OLFM2: variants seen among roughly 807,000 people sequenced by gnomAD.
OLFM2 encodes noelin-2.
Under a neutral mutation model 43.9 loss-of-function variants are expected in OLFM2, and 20 were observed. The observed-to-expected ratio is 0.46, with a 90% confidence interval of 0.32 to 0.66. The LOEUF (loss-of-function observed/expected upper bound fraction) is 0.66, where lower values mean the gene tolerates loss of function less well. Ranked by LOEUF, OLFM2 falls within the 30% of genes least tolerant of loss-of-function variation. The probability of loss-of-function intolerance (pLI) is 0.04; values close to 1 mark genes in which losing one functional copy is unlikely to be tolerated. For synonymous variants in OLFM2, 268 were observed against 278.6 expected (o/e 0.96, Z 0.38); for missense variants, 416 against 643.6 (o/e 0.65, Z 3.83).
chr19:9,913,405 G>C (rs550941775), intron 1 of OLFM2: 2 of 872,464 alleles, frequency 2.3e-6, no homozygotes, highest in Non-Finnish European at 2.8e-6. Flanking sequence ...TGGGGGCCCC[G>C]GGGGCTGCGG....
intron 1 of OLFM2, among the ~76,000 whole-genome samples, chr19:9,865,804 T>G (rs2145439718): frequency 7.2e-6 from 1 of 138,940 alleles, no homozygotes; most frequent in East Asian, 2.1e-4. Flanking sequence ...CCCTTCTTGA[T>G]AAATCTCATT....
At chr19:9,872,173 A>G (rs760177114) in intron 1 of OLFM2, among the ~76,000 whole-genome samples, 49 of 152,050 alleles carry the variant, frequency 3.2e-4, no homozygotes, top group Admixed American at 1.0e-3. Flanking sequence ...TCAAACCTTG[A>G]GGTATTGGGC....
intron 1 of OLFM2, among the ~76,000 whole-genome samples, chr19:9,893,539 G>A (rs1191114506): frequency 2.6e-5 from 4 of 152,164 alleles, no homozygotes; most frequent in African/African-American, 9.7e-5. Flanking sequence ...CCCCGTCTTG[G>A]AACCTGAGCT....
chr19:9,858,229 A>ACC (rs569055403), intron 2 of OLFM2: 3,695 of 241,326 alleles, frequency 0.015, 80 homozygotes, highest in African/African-American at 0.11. Flanking sequence ...GGTCCTGCCC[A>ACC]CCCCCCCCGC....
At chr19:9,867,145 C>T (rs539646030) in intron 1 of OLFM2, among the ~76,000 whole-genome samples, 3 of 152,242 alleles carry the variant, frequency 2.0e-5, no homozygotes, top group South Asian at 2.1e-4. Flanking sequence ...TGAAGGTGGG[C>T]GGATCACCTG....
intron 1 of OLFM2, among the ~76,000 whole-genome samples, chr19:9,881,634 T>G (rs1006050035): frequency 1.3e-5 from 2 of 151,612 alleles, no homozygotes; most frequent in Admixed American, 6.6e-5. Context: ...TGGGACTACA[T>G]GTGCATGCCA....
In OLFM2 at chr19:9,878,819, G is replaced by A. The variant is rs80324662; in HGVS notation, c.64-18025C>T. Reference sequence around the variant, plus strand: ...CGATGCAGGGAAGCACAGAACACTGGAAGACCTGGGCTCTATCTCTGGGCT... The same window carrying A: ...CGATGCAGGGAAGCACAGAACACTGAAAGACCTGGGCTCTATCTCTGGGCT... On this transcript the variant is annotated intron_variant, in intron 1 of 5. Transcript: ENST00000264833. Among the ~76,000 whole-genome samples the A allele has an allele frequency of 4.9e-4, 75 of 152,274 alleles. 1 individual carries two copies. The East Asian group carries it at 0.013, about 27-fold the overall frequency.
chr19:9,884,276 T>TAAAAAAAAAAA (rs4044581), intron 1 of OLFM2, among the ~76,000 whole-genome samples: 1 of 130,942 alleles, frequency 7.6e-6, no homozygotes. Context: ...TCTCAAAAAT[T>TAAAAAAAAAAA]AAAAAAAAAA....
At chr19:9,887,771 G>A (rs375749036) in intron 1 of OLFM2, among the ~76,000 whole-genome samples, 2 of 152,086 alleles carry the variant, frequency 1.3e-5, no homozygotes, top group African/African-American at 4.8e-5. Flanking sequence ...TCAGCCAAGC[G>A]TGATTACACC....
At chr19:9,882,923 G>A (rs1193141879) in intron 1 of OLFM2, among the ~76,000 whole-genome samples, 2 of 151,288 alleles carry the variant, frequency 1.3e-5, no homozygotes, top group African/African-American at 4.9e-5. Flanking sequence ...AAAAAGCCAG[G>A]CGCAGTGGCT....
chr19:9,928,608 C>A (rs1026008631), intron 1 of OLFM2, among the ~76,000 whole-genome samples: 2 of 152,016 alleles, frequency 1.3e-5, no homozygotes, highest in Non-Finnish European at 2.9e-5. Context: ...AGTTCAAGAC[C>A]AGCCTGGGCA....
intron 1 of OLFM2, among the ~76,000 whole-genome samples, chr19:9,930,258 A>G (rs1024737073): frequency 2.0e-5 from 3 of 152,128 alleles, no homozygotes; most frequent in Admixed American, 6.6e-5. Context: ...GCAGAGGGGG[A>G]GCCCATATTT....
At chr19:9,914,150 T>C (rs185454393) in intron 1 of OLFM2, among the ~76,000 whole-genome samples, 3,506 of 150,732 alleles carry the variant, frequency 0.023, 106 homozygotes, top group African/African-American at 0.071. Context: ...TCTTCGAGCC[T>C]GAGCCGCGGG....
At chr19:9,935,777 CG>C (rs1358527723) in intron 1 of OLFM2, among the ~76,000 whole-genome samples, 5 of 151,824 alleles carry the variant, frequency 3.3e-5, no homozygotes, top group African/African-American at 1.2e-4. Context: ...AAACTCCCCC[CG>C]GTCACACCCA....
At position 9,889,311 on chromosome 19, in the gene OLFM2, G is replaced by A. The variant is rs920134060; in HGVS notation, c.64-28517C>T. On this transcript the variant is annotated intron_variant, in intron 1 of 5. Coordinates refer to ENST00000264833, the MANE Select transcript of OLFM2 (RefSeq NM_058164.4). ...GTTGCCCAGGCTGGAGTGCAGTGGC[G>A]CGATCACAGCACACACAGTGTCAAT... is the stretch of plus-strand genomic sequence containing the variant. 1.1e-4 allele frequency among the ~76,000 whole-genome samples: 17 copies of A among 151,864 alleles called. 1 individual carries two copies. The highest frequency in any genetic ancestry group is 1.0e-3 in the South Asian group (5 of 4,800).
At chr19:9,929,963 C>A (rs996207283) in intron 1 of OLFM2, among the ~76,000 whole-genome samples, 1 of 152,108 alleles carries the variant, frequency 6.6e-6, no homozygotes, top group African/African-American at 2.4e-5. Context: ...CACTTGAACC[C>A]AGGAGGCAGA....
chr19:9,855,258 T>C (rs919142215), intron 5 of OLFM2, among the ~76,000 whole-genome samples: 1 of 150,064 alleles, frequency 6.7e-6, no homozygotes, highest in African/African-American at 2.5e-5. Context: ...TTTTTTTTTT[T>C]GAGATGGAGT....
intron 1 of OLFM2, among the ~76,000 whole-genome samples, chr19:9,867,023 C>T (rs2046407040): frequency 6.6e-6 from 1 of 152,156 alleles, no homozygotes; most frequent in Non-Finnish European, 1.5e-5. Context: ...TTCTTGCTGT[C>T]GGGCCAGGGA....
chr19:9,857,120 G>T lies in OLFM2; in HGVS notation c.580+143C>A. ...CCATTTCCAGCTTCTGGACTCAAGT[G>T]TAGCCTTAGGTAGGAAGGTCAAGGG... On this transcript the variant is annotated intron_variant, in intron 4 of 5. Transcript: ENST00000264833. This position sits in a 1 kb window ranked among gnomAD's most constrained non-coding sequence, Gnocchi z 5.7. The T allele has an allele frequency of 1.1e-6, 1 of 887,110 alleles. No homozygotes were observed. The highest frequency in any genetic ancestry group is 1.8e-6 in the Non-Finnish European group (1 of 556,264). The allele number at this position is 887,110 out of a possible 1,614,324, so 55.0% of individuals were successfully genotyped here. A position where few individuals can be genotyped will look rare whatever the true frequency, so the allele number is the denominator to read the frequency against.
Sources: gnomAD v4.1 joint callset for allele counts (sites outside exome capture counted in the v4.1 genomes callset) on GRCh38, gnomAD v4.1.1 for gene constraint, Gnocchi (gnomAD v3.1) non-coding constraint, MANE v1.5 for transcripts, NCBI Gene and HGNC (gene_info 2026-07-23, HGNC 2026-07-21) for gene names.